LMF1: variants seen among roughly 807,000 people sequenced by gnomAD.
LMF1 encodes the protein transmembrane protein 112.
Under a neutral mutation model 60.6 loss-of-function variants are expected in LMF1, and 68 were observed. The observed-to-expected ratio is 1.12, with a 90% CI of 0.92 to 1.37. The LOEUF (loss-of-function observed/expected upper bound fraction) is 1.37, where lower values mean the gene tolerates loss of function less well. Ranked by LOEUF, LMF1 falls within the 40% of genes most tolerant of loss-of-function variation. The probability of loss-of-function intolerance (pLI) is 0.00; values close to 1 mark genes in which losing one functional copy is unlikely to be tolerated. For synonymous variants in LMF1, 418 were observed against 324.7 expected, an observed-to-expected ratio of 1.29 and a Z score of -3.09; for missense variants, 948 against 767.2, an observed-to-expected ratio of 1.24 and a Z score of -2.78.
chr16:869,230 G>A (rs1402266384), intron 9 of LMF1, 174 bp from the exon 10 acceptor site: 9 of 667,502 alleles, frequency 1.3e-5, no homozygotes, highest in Non-Finnish European at 1.9e-5. Flanking sequence ...TGCCTGCTTC[G>A]TGTAGCCCTG....
chr16:918,564 A>C (rs1383744405), intron 3 of LMF1, among the ~76,000 whole-genome samples: 1 of 152,106 alleles, frequency 6.6e-6, no homozygotes, highest in Non-Finnish European at 1.5e-5. Flanking sequence ...AAAATGGCTG[A>C]AGTGTGCCGA....
chr16:885,541 G>A (rs1470137120), intron 5 of LMF1, among the ~76,000 whole-genome samples: 6 of 152,120 alleles, frequency 3.9e-5, no homozygotes, highest in African/African-American at 9.7e-5. Flanking sequence ...GGTAAAGGAC[G>A]GAAAAACATA....
intron 4 of LMF1, chr16:901,196 G>C (rs2070802891): frequency 6.6e-6 from 1 of 152,232 alleles, no homozygotes; most frequent in African/African-American, 2.4e-5. Flanking sequence ...AGAATTCCCA[G>C]CAACAAGGAC....
At chr16:974,262 G>T (rs377271812), upstream of LMF1, among the ~76,000 whole-genome samples, 1 of 152,124 alleles carries the variant, frequency 6.6e-6, no homozygotes, top group Non-Finnish European at 1.5e-5. Context: ...GAGCTGCAGC[G>T]GCCGGGAGAT....
rs72481033 is a variant in LMF1 at position 954,046 on chromosome 16, C to T, written c.503+311G>A. 4.2e-3 allele frequency among the ~76,000 whole-genome samples: 539 copies of T among 129,864 alleles called. 137 individuals are homozygous for T. Among genetic ancestry groups the T allele is most frequent in the Middle Eastern group, 0.027 (7 of 262 alleles). 85.2% of individuals were successfully genotyped at this position (129,864 alleles called of 152,430 possible). On this transcript the variant is annotated intron_variant, in intron 2 of 10. Coordinates refer to ENST00000262301, the MANE Select transcript of LMF1 (RefSeq NM_022773.4). ...ACCCACCCCAAACCAGCCTCCTACACGTCCACACAGACACAGACCCACTGC... is the reference window on the plus strand; with the variant it reads ...ACCCACCCCAAACCAGCCTCCTACATGTCCACACAGACACAGACCCACTGC...
intron 2 of LMF1, chr16:947,552 C>T (rs1451094368): frequency 4.4e-6 from 2 of 455,984 alleles, no homozygotes; most frequent in Admixed American, 4.7e-5. Context: ...ATCCGTCCTG[C>T]CCAGGAAGGA....
At chr16:906,973 C>T (rs962131388) in intron 4 of LMF1, among the ~76,000 whole-genome samples, 1 of 152,194 alleles carries the variant, frequency 6.6e-6, no homozygotes, top group African/African-American at 2.4e-5. Context: ...TCCTTACTTT[C>T]AGCAATGTGT....
At position 934,384 on chromosome 16, in the gene LMF1, G is replaced by A. The variant is rs1175700207; in HGVS notation, c.504-130C>T. 5 of 1,145,806 alleles carry A rather than the reference G, an allele frequency of 4.4e-6. No individual in the cohort carries two copies. The African/African-American group carries it at 7.6e-5, about 17-fold the overall frequency. 71.0% of individuals were successfully genotyped at this position (1,145,806 alleles called of 1,614,324 possible). A position where few individuals can be genotyped will look rare whatever the true frequency, so the allele number is the denominator to read the frequency against. The stretch of plus-strand genomic sequence containing the variant: ...TGGGGTCAGGGAAGCCCTGCGAGGA[G>A]GACCTGCCCGCTGGGCATTAGGGGA... On this transcript the variant is annotated intron_variant, in intron 2 of 10. Transcript: ENST00000262301.
upstream of LMF1, among the ~76,000 whole-genome samples, chr16:972,181 T>C (rs1348112644): frequency 6.6e-6 from 1 of 152,232 alleles, no homozygotes; most frequent in Non-Finnish European, 1.5e-5. Context: ...GCCTCCACCT[T>C]CCCTGTGTTG....
chr16:868,849 G>T, intron 10 of LMF1, 95 bp downstream of exon 10: 1 of 809,840 alleles, frequency 1.2e-6, no homozygotes. Flanking sequence ...GGCGCTTCCC[G>T]TGAGCAGGTG....
intron 3 of LMF1, among the ~76,000 whole-genome samples, chr16:918,848 A>G (rs541463804): frequency 5.4e-5 from 8 of 148,550 alleles, no homozygotes; most frequent in Non-Finnish European, 1.2e-4. Flanking sequence ...CCCGGGGCGC[A>G]CCCCGACTCT....
intron 4 of LMF1, among the ~76,000 whole-genome samples, chr16:910,341 G>A (rs2071075827): frequency 6.6e-6 from 1 of 152,092 alleles, no homozygotes; most frequent in Non-Finnish European, 1.5e-5. Context: ...GAGGGAACCC[G>A]CCACCCCCAC....
chr16:947,725 A>G (rs1236276962), intron 2 of LMF1: 2 of 380,498 alleles, frequency 5.3e-6, no homozygotes, highest in South Asian at 1.9e-5. Context: ...CTGCAGGGCC[A>G]CTGCCAAAGC....
At chr16:908,422 G>A (rs921691396) in intron 4 of LMF1, among the ~76,000 whole-genome samples, 4 of 152,122 alleles carry the variant, frequency 2.6e-5, no homozygotes, top group Non-Finnish European at 5.9e-5. Context: ...GACCCTGCCC[G>A]ACACCACGTC....
chr16:893,105 A>ACG, intron 4 of LMF1, 33 bp from the exon 5 acceptor site: 1 of 1,540,648 alleles, frequency 6.5e-7, no homozygotes, highest in South Asian at 1.2e-5. Context: ...AGAGTCAGTC[A>ACG]CAGGGGCTGG....
intron 2 of LMF1, among the ~76,000 whole-genome samples, chr16:953,254 C>G (rs1238668708): frequency 2.4e-5 from 2 of 82,614 alleles, no homozygotes; most frequent in Non-Finnish European, 5.2e-5. Flanking sequence ...CACAGACACC[C>G]ACCCCAAACC....
At chr16:920,567 T>C (rs2071405936) in intron 3 of LMF1, among the ~76,000 whole-genome samples, 1 of 152,062 alleles carries the variant, frequency 6.6e-6, no homozygotes, top group Non-Finnish European at 1.5e-5. Context: ...ATGAGAGGCT[T>C]TTAGAAAACA....
intron 10 of LMF1, among the ~76,000 whole-genome samples, chr16:857,325 G>A (rs1003683247): frequency 3.3e-5 from 5 of 152,272 alleles, no homozygotes; most frequent in East Asian, 1.9e-4. Context: ...TTTTTGAGGA[G>A]CCATTTTACC....
At chr16:913,091 C>A (rs978824894) in intron 3 of LMF1, among the ~76,000 whole-genome samples, 1 of 152,216 alleles carries the variant, frequency 6.6e-6, no homozygotes, top group Non-Finnish European at 1.5e-5. Flanking sequence ...TTTCCCGTTG[C>A]GCAGCTGCAC....
Sources: allele counts gnomAD v4.1 joint callset (sites outside exome capture counted in the v4.1 genomes callset), GRCh38; gene constraint gnomAD v4.1.1; transcripts MANE v1.5; gene names NCBI Gene and HGNC (gene_info 2026-07-23, HGNC 2026-07-21).